The following HAT1 variants were observed in gnomAD, a reference collection of about 807,000 sequenced individuals.
HAT1 encodes the protein histone acetyltransferase type B catalytic subunit.
A neutral mutation model predicts 56.6 loss-of-function variants in HAT1; 20 were observed. The ratio of observed to expected loss-of-function variants is 0.35; its 90% CI spans 0.25 to 0.51. The LOEUF is 0.51. Ranked by LOEUF, HAT1 falls within the 20% of genes least tolerant of loss-of-function variation. HAT1 has a pLI of 0.95. For missense variants in HAT1, 408 were observed against 504.3 expected, an observed-to-expected ratio of 0.81 and a Z score of 1.83; for synonymous variants, 146 against 165.5, an observed-to-expected ratio of 0.88 and a Z score of 0.91.
At chr2:171,971,117 G>A (rs1687805803) in intron 8 of HAT1, among the ~76,000 whole-genome samples, 1 of 152,098 alleles carries the variant, frequency 6.6e-6, no homozygotes, top group Admixed American at 6.5e-5. Flanking sequence ...GGAGAATGGC[G>A]TAAACCCAGA....
chr2:171,931,551 G>A (rs891063296), intron 2 of HAT1, among the ~76,000 whole-genome samples: 3 of 151,748 alleles, frequency 2.0e-5, no homozygotes, highest in African/African-American at 4.8e-5. Context: ...GCACACACCT[G>A]TAATCCCAGC....
At chr2:171,929,875 A>G (rs1427419976) in intron 2 of HAT1, among the ~76,000 whole-genome samples, 1 of 152,100 alleles carries the variant, frequency 6.6e-6, no homozygotes, top group Non-Finnish European at 1.5e-5. Flanking sequence ...CCACATCTTT[A>G]TTTTTTAAAG....
intron 4 of HAT1, among the ~76,000 whole-genome samples, chr2:171,953,992 CA>C (rs202107739): frequency 2.1e-4 from 31 of 150,780 alleles, no homozygotes; most frequent in Admixed American, 7.3e-4. Flanking sequence ...GAAACTGTCT[CA>C]AAAAAAAATT....
intron 6 of HAT1, 72 bp downstream of exon 6, chr2:171,965,980 A>C (rs765791740): frequency 7.8e-7 from 1 of 1,276,064 alleles, no homozygotes; most frequent in East Asian, 2.3e-5. Flanking sequence ...GTGGCAGCCC[A>C]ATTATTGGGA....
intron 4 of HAT1, among the ~76,000 whole-genome samples, chr2:171,958,303 G>C (rs1429672173): frequency 2.0e-5 from 3 of 150,368 alleles, no homozygotes; most frequent in African/African-American, 2.4e-5. Context: ...CCAGGCTCTT[G>C]GGCTTACTGC....
chr2:171,983,158 T>A (rs1688175072), intron 10 of HAT1, 27 bp from the exon 11 acceptor site: 1 of 1,406,088 alleles, frequency 7.1e-7, no homozygotes, highest in African/African-American at 1.4e-5. Context: ...ACTTTCTTCG[T>A]CTAACAAATA....
chr2:171,973,244 T>TA (rs1435589896), intron 8 of HAT1, among the ~76,000 whole-genome samples: 1 of 152,106 alleles, frequency 6.6e-6, no homozygotes, highest in Non-Finnish European at 1.5e-5. Flanking sequence ...CTCCTTCCTT[T>TA]AGGCACAGAG....
At chr2:171,924,724 C>G (rs1308264954) in intron 1 of HAT1, 1 of 152,144 alleles carries the variant, frequency 6.6e-6, no homozygotes, top group African/African-American at 2.4e-5. Flanking sequence ...TTCCTTCTTT[C>G]TTTACCCATG....
In HAT1 at chr2:171,955,505, G is replaced by C. The variant is rs372731055; in HGVS notation, c.309+2504G>C. Among the ~76,000 whole-genome samples the C allele has an allele frequency of 1.8e-4, 27 of 152,110 alleles. No individual in the cohort carries two copies. In the South Asian group the frequency reaches 3.3e-3, roughly 19 times the overall value. ...AGGCACATGTAATCCCAGCAACTTGGGGGGCTGAGGCAGGAGAATCACTTG... is the reference window on the plus strand; with the variant it reads ...AGGCACATGTAATCCCAGCAACTTGCGGGGCTGAGGCAGGAGAATCACTTG... On this transcript the variant is annotated intron_variant, in intron 4 of 10. Coordinates refer to ENST00000264108, the MANE Select transcript of HAT1 (RefSeq NM_003642.4).
At chr2:171,976,130 T>G (rs372212627) in intron 8 of HAT1, 27 bp from the exon 9 acceptor site, 1 of 1,280,894 alleles carries the variant, frequency 7.8e-7, no homozygotes, top group African/African-American at 2.8e-5. Context: ...AGGGAAATGT[T>G]AATATTATTC....
At chr2:171,953,657 T>TAAAAAAAAAAAAAAAAAAAAAAA (rs1687369481) in intron 4 of HAT1, among the ~76,000 whole-genome samples, 1 of 68,332 alleles carries the variant, frequency 1.5e-5, no homozygotes, top group Non-Finnish European at 2.8e-5. Context: ...AAAAAAAAAT[T>TAAAAAAAAAAAAAAAAAAAAAAA]AAGGTTTGAG....
At chr2:171,971,898 G>C (rs547492396) in intron 8 of HAT1, among the ~76,000 whole-genome samples, 271 of 152,302 alleles carry the variant, frequency 1.8e-3, no homozygotes, top group African/African-American at 6.4e-3. Context: ...GGGTAGAGAT[G>C]GAGGCTTCAG....
intron 2 of HAT1, among the ~76,000 whole-genome samples, chr2:171,944,093 C>G (rs1687097088): frequency 6.6e-6 from 1 of 151,442 alleles, no homozygotes; most frequent in Non-Finnish European, 1.5e-5. Flanking sequence ...TTGCTGTGAG[C>G]TGTGATTGTG....
In HAT1 at chr2:171,933,869, C is replaced by T. The variant is rs553929024; in HGVS notation, c.112+8228C>T. ...GGTGCACTGAAAAATAATTTATAGT[C>T]TGCAGTTTTATGTAGTGTTCTATAA... On this transcript the variant is annotated intron_variant, in intron 2 of 10. Coordinates refer to ENST00000264108, the MANE Select transcript of HAT1 (RefSeq NM_003642.4). Among the ~76,000 whole-genome samples the T allele has an allele frequency of 1.1e-4, 16 of 152,240 alleles. No homozygotes were observed. The South Asian group carries it at 3.1e-3, about 30-fold the overall frequency.
At chr2:171,949,235 A>T (rs1002725415) in intron 3 of HAT1, among the ~76,000 whole-genome samples, 1 of 151,786 alleles carries the variant, frequency 6.6e-6, no homozygotes, top group African/African-American at 2.4e-5. Flanking sequence ...TTTTTGAGAC[A>T]GGGTCTTGCT....
chr2:171,969,806 A>C (rs1687770228), intron 8 of HAT1, among the ~76,000 whole-genome samples: 1 of 152,104 alleles, frequency 6.6e-6, no homozygotes, highest in Non-Finnish European at 1.5e-5. Flanking sequence ...ACTGTAACTC[A>C]TTTTCCTATG....
At chr2:171,980,433 A>G (rs975972841) in intron 10 of HAT1, 3 of 152,172 alleles carry the variant, frequency 2.0e-5, no homozygotes, top group African/African-American at 7.2e-5. Context: ...TTATATTTTT[A>G]AACATTCTTC....
At chr2:171,946,914 A>G (rs923599769) in intron 3 of HAT1, 131 bp downstream of exon 3, 8 of 560,282 alleles carry the variant, frequency 1.4e-5, no homozygotes, top group Admixed American at 1.1e-4. Flanking sequence ...AATATATGTT[A>G]TAATGGTGTT....
At chr2:171,931,261 T>G (rs1324666485) in intron 2 of HAT1, among the ~76,000 whole-genome samples, 2 of 151,996 alleles carry the variant, frequency 1.3e-5, no homozygotes, top group Non-Finnish European at 2.9e-5. Flanking sequence ...CATGATGGTG[T>G]GCATCTGTAG....
Sources: allele counts gnomAD v4.1 joint callset (sites outside exome capture counted in the v4.1 genomes callset), GRCh38; gene constraint gnomAD v4.1.1; transcripts MANE v1.5; gene names NCBI Gene and HGNC (gene_info 2026-07-23, HGNC 2026-07-21).